Variants in PRPF8 observed in about 807,000 individuals in gnomAD.
PRPF8 encodes the protein pre-mRNA processing factor 8.
In PRPF8, 64 loss-of-function variants were observed where a neutral mutation model predicts 285.9. The observed-to-expected ratio is 0.22, with a 90% confidence interval of 0.18 to 0.28. The LOEUF (loss-of-function observed/expected upper bound fraction) is 0.28. Among genes scored for constraint, PRPF8 ranks in the 10% least tolerant of loss-of-function variants. The pLI is 1.00. For synonymous variants in PRPF8, 1,325 were observed against 1,118.2 expected (o/e 1.18, Z -3.69); for missense variants, 1,426 against 3,026.7 (o/e 0.47, Z 12.41).
In PRPF8 at chr17:1,684,545, C is replaced by A. The variant is rs1913132300; in HGVS notation, c.27G>T (p.Gly9=). Residue 9 remains glycine, a synonymous_variant, in exon 2 of 43, where the codon GGG becomes GGT. Coordinates refer to ENST00000304992, the MANE Select transcript of PRPF8 (RefSeq NM_006445.4). ...GAGGGCCAGGCACCGGGTTACCCGG[C>A]CCTCGATAAGGAAACACTCCGGCCA... The part of the protein sequence containing the change: MAGVFPYR[G]PGNPVPGPLA... The A allele has an allele frequency of 6.2e-7, 1 of 1,612,514 alleles. No individual in the cohort carries two copies.
chr17:1,667,957 C>G (rs565308443), intron 24 of PRPF8, among the ~76,000 whole-genome samples: 1 of 152,320 alleles, frequency 6.6e-6, no homozygotes, highest in East Asian at 1.9e-4. Flanking sequence ...GGATTGCAGG[C>G]ATAAGCCACC....
intron 5 of PRPF8, 47 bp from the exon 6 acceptor site, chr17:1,681,737 C>G (rs767271113): frequency 7.5e-6 from 12 of 1,609,670 alleles, no homozygotes; most frequent in Non-Finnish European, 1.0e-5. Flanking sequence ...GCTAGACAAA[C>G]CCATACCACC....
At chr17:1,670,767 G>A (rs139854451) in intron 24 of PRPF8, among the ~76,000 whole-genome samples, 6 of 152,074 alleles carry the variant, frequency 3.9e-5, no homozygotes, top group African/African-American at 1.4e-4. Context: ...GATTACAGGC[G>A]TGAGCCCCCG....
chr17:1,664,031 T>G (rs935937507), intron 24 of PRPF8, among the ~76,000 whole-genome samples: 1 of 152,172 alleles, frequency 6.6e-6, no homozygotes, highest in Non-Finnish European at 1.5e-5. Context: ...CAGCTGTAGT[T>G]GGATCTTTCT....
chr17:1,677,321 G>T, intron 14 of PRPF8, 149 bp from the exon 15 acceptor site: 1 of 992,238 alleles, frequency 1.0e-6, no homozygotes, highest in Non-Finnish European at 1.6e-6. Flanking sequence ...AAAAAGACGA[G>T]CTACCTTAAA....
chr17:1,661,109 G>A lies in PRPF8; in HGVS notation c.4392C>T (p.Leu1464=). Residue 1464 remains leucine, a synonymous_variant, in exon 28 of 43, where the codon CTC becomes CTT. Transcript: ENST00000304992. The surrounding 1 kb of genome is among the most constrained non-coding windows in gnomAD (Gnocchi z 7.3). ...CTGTACGGTAGTTGTTCAGGTTCCAGAGCTTCCCATCATGCCGCTGGTGTG... is the reference window on the plus strand; with the variant it reads ...CTGTACGGTAGTTGTTCAGGTTCCAAAGCTTCCCATCATGCCGCTGGTGTG... ...WWTHQRHDGK[L]WNLNNYRTDM... is the part of the protein sequence containing the mutation. The A allele has an allele frequency of 6.2e-7, 1 of 1,614,198 alleles. No homozygotes were observed. Among genetic ancestry groups the A allele is most frequent in the Non-Finnish European group, 8.5e-7 (1 of 1,180,040 alleles).
Position 1,651,850 on chromosome 17 carries a change from C to A in PRPF8, c.6370-62G>T. The A allele has an allele frequency of 6.3e-7, 1 of 1,579,810 alleles. No homozygotes were observed. The highest frequency in any genetic ancestry group is 8.7e-7 in the Non-Finnish European group (1 of 1,151,018). The stretch of plus-strand genomic sequence containing the variant: ...AGTACCAGGTCAGAGTTGGAGCTGC[C>A]AGCCCTCTGTTTCCTTCCTTCCCCC... On this transcript the variant is annotated intron_variant, in intron 39 of 42. Coordinates refer to ENST00000304992, the MANE Select transcript of PRPF8 (RefSeq NM_006445.4). The surrounding 1 kb of genome is among the most constrained non-coding windows in gnomAD (Gnocchi z 5.1).
Position 1,679,899 on chromosome 17 carries a change from C to G in PRPF8, c.1099-100G>C. 7.2e-7 allele frequency: 1 copy of G among 1,381,380 alleles called. No individual in the cohort carries two copies. The highest frequency in any genetic ancestry group is 1.0e-6 in the Non-Finnish European group (1 of 969,248). The allele number at this position is 1,381,380 out of a possible 1,614,324, so 85.6% of individuals were successfully genotyped here. A position where few individuals can be genotyped will look rare whatever the true frequency, so the allele number is the denominator to read the frequency against. The stretch of plus-strand genomic sequence containing the variant: ...GGGCCAAGCACAAAGCCTGTATCTG[C>G]TATGGAAACTGGGCTGTCTGACAAA... On this transcript the variant is annotated intron_variant, in intron 8 of 42. Transcript: ENST00000304992. The surrounding 1 kb of genome is among the most constrained non-coding windows in gnomAD (Gnocchi z 4.7).
Position 1,682,219 on chromosome 17 carries a change from T to C in PRPF8, c.344A>G (p.Asp115Gly). ...NMPMPWEQIRDVPVLYHITGA... is the reference protein window; with the variant it reads ...NMPMPWEQIRGVPVLYHITGA... ...AGTGATGTGGTACAGCACAGGCACA[T>C]CCCGAATCTGCTCCCAAGGCATAGG... The change falls in exon 4 of 43, where the codon GAT (aspartate) becomes GGT (glycine). Residue 115 changes from aspartate (D) to glycine (G), a missense_variant. Physicochemically the swap from Asp to Gly is moderately conservative, Grantham distance 94. Transcript: ENST00000304992. The C allele has an allele frequency of 4.3e-6, 7 of 1,614,092 alleles. No individual in the cohort carries two copies. Among genetic ancestry groups the C allele is most frequent in the Non-Finnish European group, 5.9e-6 (7 of 1,180,026 alleles).
intron 20 of PRPF8, 89 bp from the exon 21 acceptor site, chr17:1,674,769 T>C: frequency 1.5e-6 from 2 of 1,371,644 alleles, no homozygotes; most frequent in South Asian, 2.3e-5. Context: ...CCTCAGCAAA[T>C]TCTACTTTTT....
Position 1,675,369 on chromosome 17 carries a change from G to T in PRPF8, c.2873-30C>A. On this transcript the variant is annotated intron_variant, in intron 19 of 42. Coordinates refer to ENST00000304992, the MANE Select transcript of PRPF8 (RefSeq NM_006445.4). This position sits in a 1 kb window ranked among gnomAD's most constrained non-coding sequence, Gnocchi z 6.0. ...GGAGTAGCAAGGCAGGTCTCCAGCAGGTTAGAAATCCTCTTGCAAGACTAG... is the reference window on the plus strand; with the variant it reads ...GGAGTAGCAAGGCAGGTCTCCAGCATGTTAGAAATCCTCTTGCAAGACTAG... The T allele has an allele frequency of 6.2e-7, 1 of 1,612,952 alleles. No individual in the cohort carries two copies. The highest frequency in any genetic ancestry group is 8.5e-7 in the Non-Finnish European group (1 of 1,179,234).
Position 1,651,050 on chromosome 17 carries a change from C to T in PRPF8, c.6853+58G>A, listed in dbSNP as rs1247682741. 2.5e-6 allele frequency: 4 copies of T among 1,613,554 alleles called. No individual in the cohort carries two copies. Among genetic ancestry groups the T allele is most frequent in the Non-Finnish European group, 3.4e-6 (4 of 1,179,484 alleles). On this transcript the variant is annotated intron_variant, in intron 42 of 42. Transcript: ENST00000304992. This position sits in a 1 kb window ranked among gnomAD's most constrained non-coding sequence, Gnocchi z 5.1. ...CCAGCCAGGCCCCAAGTGCAAAGGGCGATGGCCTCACCTTATCCCTACTGC... is the reference window on the plus strand; with the variant it reads ...CCAGCCAGGCCCCAAGTGCAAAGGGTGATGGCCTCACCTTATCCCTACTGC...
Position 1,662,064 on chromosome 17 carries a change from C to T in PRPF8, c.3864G>A (p.Leu1288=). The T allele has an allele frequency of 6.2e-7, 1 of 1,614,082 alleles. No homozygotes were observed. Residue 1288 remains leucine (L), a synonymous_variant, in exon 25 of 43, where the codon CTG becomes CTA. Coordinates refer to ENST00000304992, the MANE Select transcript of PRPF8 (RefSeq NM_006445.4). The part of the protein sequence containing the change: ...VVNTQELLDL[L]VKCENKIQTR... ...TCTGGATTTTGTTCTCACACTTCAC[C>T]AGTAAGTCCAAGAGCTCTTGGGTGT...
Position 1,678,605 on chromosome 17 carries a change from C to T in PRPF8, c.1767G>A (p.Thr589=), listed in dbSNP as rs773010544. The change falls in exon 13 of 43, where the codon ACG becomes ACA. Residue 589 remains threonine (T), a synonymous_variant. Coordinates refer to ENST00000304992, the MANE Select transcript of PRPF8 (RefSeq NM_006445.4). ...QYIFAHVGQL[T]GMYRYKYKLM... is the part of the protein sequence containing the mutation. ...GCTTGTATTTGTATCGATACATGCC[C>T]GTCAACTGCCCAACATGGGCAAATA... The T allele has an allele frequency of 1.7e-5, 27 of 1,614,100 alleles. 1 individual carries two copies. The South Asian group carries it at 2.4e-4, about 14-fold the overall frequency.
intron 24 of PRPF8, among the ~76,000 whole-genome samples, chr17:1,670,720 C>T (rs1912264983): frequency 6.6e-6 from 1 of 152,102 alleles, no homozygotes; most frequent in Admixed American, 6.6e-5. Flanking sequence ...CTCCTGACCT[C>T]AGGTGATCCA....
At chr17:1,663,866 CAA>C (rs1347212028) in intron 24 of PRPF8, among the ~76,000 whole-genome samples, 1 of 151,862 alleles carries the variant, frequency 6.6e-6, no homozygotes, top group Non-Finnish European at 1.5e-5. Flanking sequence ...CTGATTAAGA[CAA>C]AGACTTCAGA....
rs753910910 is a variant in PRPF8 at position 1,658,777 on chromosome 17, A to G, written c.5139-14T>C. On this transcript the variant is annotated splice_polypyrimidine_tract_variant and intron_variant, in intron 32 of 42. Coordinates refer to ENST00000304992, the MANE Select transcript of PRPF8 (RefSeq NM_006445.4). The surrounding 1 kb of genome is among the most constrained non-coding windows in gnomAD (Gnocchi z 4.1). ...TTTCCATAGGCACTGTGAGGATAAA[A>G]GGGTCAAGAAAAGTTAAGACGAGAA... The G allele has an allele frequency of 1.2e-6, 2 of 1,611,242 alleles. No homozygotes were observed. The highest frequency in any genetic ancestry group is 1.7e-6 in the Non-Finnish European group (2 of 1,177,354).
Position 1,683,515 on chromosome 17 carries a change from T to C in PRPF8, c.269+18A>G, listed in dbSNP as rs746372670. ...AAGGGCCAAATTCCAAATGAAATTATTTCAGGATGTTCCTTACCCCAAGTA... is the reference window on the plus strand; with the variant it reads ...AAGGGCCAAATTCCAAATGAAATTACTTCAGGATGTTCCTTACCCCAAGTA... On this transcript the variant is annotated intron_variant, in intron 3 of 42. Transcript: ENST00000304992. 1 of 1,614,090 alleles carries C rather than the reference T, an allele frequency of 6.2e-7. No homozygotes were observed. Among genetic ancestry groups the C allele is most frequent in the Non-Finnish European group, 8.5e-7 (1 of 1,179,924 alleles).
chr17:1,667,051 T>C (rs902348464), intron 24 of PRPF8, among the ~76,000 whole-genome samples: 2 of 152,106 alleles, frequency 1.3e-5, no homozygotes, highest in East Asian at 1.9e-4. Flanking sequence ...CAGGCACCTG[T>C]AATCCCAGCT....
Sources: gnomAD v4.1 joint callset for allele counts (sites outside exome capture counted in the v4.1 genomes callset) on GRCh38, gnomAD v4.1.1 for gene constraint, Gnocchi (gnomAD v3.1) non-coding constraint, MANE v1.5 for transcripts, NCBI Gene and HGNC (gene_info 2026-07-23, HGNC 2026-07-21) for gene names.